SHISA6: variants seen among roughly 807,000 people sequenced by gnomAD.
SHISA6 encodes the protein shisa family member 6, also known as protein shisa-6.
A neutral mutation model predicts 47.9 loss-of-function variants in SHISA6; 22 were observed. The observed-to-expected ratio is 0.46, with a 90% CI of 0.33 to 0.66. SHISA6 has a LOEUF of 0.66. Among genes scored for constraint, SHISA6 ranks in the 30% least tolerant of loss-of-function variants. The pLI is 0.02. For missense variants in SHISA6, 680 were observed against 764.6 expected (o/e 0.89, Z 1.30); for synonymous variants, 388 against 337.8 (o/e 1.15, Z -1.63).
chr17:11,423,542 T>C (rs1914520445), intron 3 of SHISA6, among the ~76,000 whole-genome samples: 1 of 151,510 alleles, frequency 6.6e-6, no homozygotes, highest in Admixed American at 6.6e-5. Flanking sequence ...AAATATATCA[T>C]AAAAGAAATA....
chr17:11,430,247 G>A (rs1914716029), intron 3 of SHISA6, among the ~76,000 whole-genome samples: 1 of 152,110 alleles, frequency 6.6e-6, no homozygotes, highest in Non-Finnish European at 1.5e-5. Context: ...GAGTCCATAG[G>A]AGAACTGCAG....
intron 2 of SHISA6, among the ~76,000 whole-genome samples, chr17:11,344,846 C>T (rs887375173): frequency 6.6e-6 from 1 of 152,004 alleles, no homozygotes; most frequent in African/African-American, 2.4e-5. Flanking sequence ...TAATTATATT[C>T]ACCCTGTAGT....
chr17:11,271,265 C>T (rs1908640448), intron 2 of SHISA6, among the ~76,000 whole-genome samples: 2 of 151,986 alleles, frequency 1.3e-5, no homozygotes, highest in South Asian at 2.1e-4. Context: ...TCTCCTCAGC[C>T]ATGACCTTCT....
intron 3 of SHISA6, among the ~76,000 whole-genome samples, chr17:11,421,005 A>T (rs1597504632): frequency 6.6e-6 from 1 of 152,190 alleles, no homozygotes; most frequent in East Asian, 1.9e-4. Flanking sequence ...TTCAGGAGAC[A>T]CAGATTATTG....
chr17:11,292,949 G>A (rs1324320627), intron 2 of SHISA6, among the ~76,000 whole-genome samples: 4 of 150,682 alleles, frequency 2.7e-5, no homozygotes, highest in African/African-American at 7.3e-5. Context: ...CTCAGCCTCC[G>A]GAGTAGCGGG....
At chr17:11,409,316 T>C (rs1053536132) in intron 3 of SHISA6, among the ~76,000 whole-genome samples, 6 of 152,100 alleles carry the variant, frequency 3.9e-5, no homozygotes, top group Non-Finnish European at 7.4e-5. Context: ...AAAATTGGGG[T>C]ATGGACTCAC....
Position 11,242,039 on chromosome 17 carries a change from C to G in SHISA6, c.617C>G (p.Pro206Arg). 6.4e-7 allele frequency: 1 copy of G among 1,550,814 alleles called. No homozygotes were observed. The highest frequency in any genetic ancestry group is 1.2e-5 in the South Asian group (1 of 84,060). Residue 206 changes from proline to arginine, a missense_variant, in exon 1 of 6, where the codon CCA (proline) becomes CGA (arginine). By Grantham distance (103) the Pro-to-Arg change is moderately radical (BLOSUM62 -2). Coordinates refer to ENST00000441885, the MANE Select transcript of SHISA6 (RefSeq NM_207386.4). ...KVSYDKAHRPPREMNIHRALA... is the reference protein window; with the variant it reads ...KVSYDKAHRPRREMNIHRALA... ...TCCTACGACAAGGCCCACCGCCCTC[C>G]ACGGGAGATGAACATCCACAGGTGA...
chr17:11,560,147 T>G lies in SHISA6; in HGVS notation c.*1843T>G, dbSNP rs1428935949. On this transcript the variant is annotated 3_prime_UTR_variant, in exon 6 of 6. Coordinates refer to ENST00000441885, the MANE Select transcript of SHISA6 (RefSeq NM_207386.4). ...ACAAACCACAGAGAAAGCAATGGAC[T>G]GTGTCCTTTCACTGATTTCAAGAGT... 1.3e-5 allele frequency: 2 copies of G among 152,200 alleles called. No homozygotes were observed. The highest frequency in any genetic ancestry group is 2.9e-5 in the Non-Finnish European group (2 of 68,078). 9.4% of individuals were successfully genotyped at this position (152,200 alleles called of 1,614,324 possible).
intron 3 of SHISA6, among the ~76,000 whole-genome samples, chr17:11,430,002 T>C (rs899936917): frequency 6.6e-6 from 1 of 152,180 alleles, no homozygotes; most frequent in African/African-American, 2.4e-5. Context: ...CTAACATTTG[T>C]CAATGACCCA....
At chr17:11,351,408 A>G (rs932788466) in intron 2 of SHISA6, among the ~76,000 whole-genome samples, 1 of 152,178 alleles carries the variant, frequency 6.6e-6, no homozygotes, top group Non-Finnish European at 1.5e-5. Flanking sequence ...AATTATCTAC[A>G]TATTGTTACA....
chr17:11,440,723 T>G (rs1490440852), intron 3 of SHISA6, among the ~76,000 whole-genome samples: 1 of 151,574 alleles, frequency 6.6e-6, no homozygotes, highest in Non-Finnish European at 1.5e-5. Context: ...GAGACTCTTG[T>G]TAGTCTTACT....
At chr17:11,283,002 T>C (rs1909173789) in intron 2 of SHISA6, among the ~76,000 whole-genome samples, 1 of 152,230 alleles carries the variant, frequency 6.6e-6, no homozygotes, top group Admixed American at 6.5e-5. Flanking sequence ...GATAGTTTCA[T>C]TGATCTAGCG....
In SHISA6 at chr17:11,374,775, G is replaced by A. The variant is rs932182915; in HGVS notation, c.800-4639G>A. On this transcript the variant is annotated intron_variant, in intron 2 of 5. Coordinates refer to ENST00000441885, the MANE Select transcript of SHISA6 (RefSeq NM_207386.4). ...TAGTACTTAAATAGTAGTAATAGTA[G>A]TACTTAAGTAATACTAGTACTACTG... 2.6e-5 allele frequency among the ~76,000 whole-genome samples: 4 copies of A among 151,922 alleles called. No homozygotes were observed. The South Asian group carries it at 8.3e-4, about 32-fold the overall frequency.
chr17:11,514,442 C>T (rs2071566094), intron 3 of SHISA6, among the ~76,000 whole-genome samples: 1 of 152,172 alleles, frequency 6.6e-6, no homozygotes, highest in Non-Finnish European at 1.5e-5. Flanking sequence ...GGAAGCAATT[C>T]TAAGTCAATC....
chr17:11,517,086 C>T lies in SHISA6; in HGVS notation c.896-34810C>T, dbSNP rs73286864. Among the ~76,000 whole-genome samples, 515 of 152,262 alleles carry T rather than the reference C, an allele frequency of 3.4e-3. 3 individuals are homozygous for T. Among genetic ancestry groups the T allele is most frequent in the African/African-American group, 0.012 (489 of 41,542 alleles). ...CATAATGGTGTAAGTATCCAGGAGA[C>T]TGTCAAAACTTTAAACTTCTAAACT... On this transcript the variant is annotated intron_variant, in intron 3 of 5. Transcript: ENST00000441885.
At chr17:11,504,538 A>G (rs1447623460) in intron 3 of SHISA6, among the ~76,000 whole-genome samples, 3 of 152,188 alleles carry the variant, frequency 2.0e-5, no homozygotes, top group African/African-American at 7.2e-5. Context: ...TTGGCCAGAG[A>G]ATAGAAGGCA....
At chr17:11,265,772 CT>C (rs905885379) in intron 2 of SHISA6, among the ~76,000 whole-genome samples, 1 of 152,178 alleles carries the variant, frequency 6.6e-6, no homozygotes, top group African/African-American at 2.4e-5. Context: ...TTCCCCACTG[CT>C]GAACACAGAC....
chr17:11,558,153 C>G lies in SHISA6; in HGVS notation c.1505C>G (p.Ser502Cys), dbSNP rs2072001915. The G allele has an allele frequency of 9.0e-6, 14 of 1,550,186 alleles. No individual in the cohort carries two copies. Among genetic ancestry groups the G allele is most frequent in the Non-Finnish European group, 1.1e-5 (13 of 1,147,008 alleles). The part of the protein sequence containing the change: ...MSKMHSHPSA[S>C]NNSYATLGQS... ...AAGATGCACTCTCATCCCAGTGCCT[C>G]CAATAACTCATACGCCACCCTGGGC... The change falls in exon 6 of 6, where the codon TCC (serine) becomes TGC (cysteine). Residue 502 changes from serine to cysteine, a missense_variant. Transcript: ENST00000441885.
chr17:11,271,176 A>C (rs1337534162), intron 2 of SHISA6, among the ~76,000 whole-genome samples: 2 of 152,050 alleles, frequency 1.3e-5, no homozygotes, highest in Admixed American at 6.6e-5. Context: ...AAACATGCCC[A>C]TGCTGGAGAA....
Sources: gnomAD v4.1 joint callset for allele counts (sites outside exome capture counted in the v4.1 genomes callset) on GRCh38, gnomAD v4.1.1 for gene constraint, MANE v1.5 for transcripts, NCBI Gene and HGNC (gene_info 2026-07-23, HGNC 2026-07-21) for gene names.